Variants in IBTK observed in about 807,000 individuals in gnomAD.
IBTK encodes the protein inhibitor of Bruton tyrosine kinase.
A neutral mutation model predicts 154.9 loss-of-function variants in IBTK; 83 were observed. The ratio of observed to expected loss-of-function variants is 0.54; its 90% CI spans 0.45 to 0.64. IBTK has a LOEUF of 0.64. Ranked by LOEUF, IBTK falls within the 30% of genes least tolerant of loss-of-function variation. The pLI is 0.00. For missense variants in IBTK, 1,332 were observed against 1,584.6 expected (o/e 0.84, Z 2.71); for synonymous variants, 515 against 536.1 (o/e 0.96, Z 0.54).
intron 25 of IBTK, 130 bp from the exon 26 acceptor site, chr6:82,182,158 T>G: frequency 1.2e-6 from 1 of 804,034 alleles, no homozygotes; most frequent in South Asian, 1.8e-5. Context: ...CAATGTGATG[T>G]TGGATTCTTG....
rs780404182 is a variant in IBTK at position 82,171,412 on chromosome 6, A to G, written c.*13T>C. The G allele has an allele frequency of 6.2e-7, 1 of 1,605,670 alleles. No homozygotes were observed. The highest frequency in any genetic ancestry group is 2.2e-5 in the East Asian group (1 of 44,768). On this transcript the variant is annotated 3_prime_UTR_variant, in exon 29 of 29. Transcript: ENST00000306270. ...TCATAATTATGTAAAATGCATCTCA[A>G]CTCCACAGTGAACTAGCATCCATGC...
At chr6:82,206,001 A>G (rs984866344) in intron 16 of IBTK, 16 of 151,070 alleles carry the variant, frequency 1.1e-4, no homozygotes, top group African/African-American at 3.9e-4. Flanking sequence ...CCTCTCCTCT[A>G]AAAAAAAACA....
intron 21 of IBTK, among the ~76,000 whole-genome samples, chr6:82,197,373 A>ATTTTTTTTTTTT (rs11422131): frequency 1.0e-4 from 14 of 138,424 alleles, no homozygotes; most frequent in African/African-American, 1.9e-4. Flanking sequence ...ATCTTTTTGA[A>ATTTTTTTTTTTT]TTTTTTTTTT....
intron 9 of IBTK, among the ~76,000 whole-genome samples, chr6:82,219,903 CT>C (rs1770029291): frequency 6.6e-6 from 1 of 151,986 alleles, no homozygotes; most frequent in African/African-American, 2.4e-5. Flanking sequence ...ATTGCCTGAT[CT>C]TTACTTTTTT....
At chr6:82,215,274 T>C (rs1235259586) in intron 11 of IBTK, among the ~76,000 whole-genome samples, 4 of 152,060 alleles carry the variant, frequency 2.6e-5, no homozygotes, top group Admixed American at 2.0e-4. Flanking sequence ...TTGCAGAATT[T>C]CCTCCCTCTT....
chr6:82,181,768 G>T, intron 26 of IBTK, 111 bp downstream of exon 26: 1 of 685,972 alleles, frequency 1.5e-6, no homozygotes, highest in Non-Finnish European at 2.3e-6. Flanking sequence ...GAATGTAAAA[G>T]AGTGTACAAA....
intron 26 of IBTK, among the ~76,000 whole-genome samples, chr6:82,177,832 G>A (rs1165822801): frequency 6.6e-6 from 1 of 152,204 alleles, no homozygotes; most frequent in East Asian, 1.9e-4. Context: ...TTACAGGCAT[G>A]AGCCACAGCG....
At chr6:82,231,644 A>C (rs1159445846) in intron 4 of IBTK, 74 bp downstream of exon 4, 2 of 1,162,528 alleles carry the variant, frequency 1.7e-6, no homozygotes, top group Admixed American at 5.0e-5. Flanking sequence ...TGTAATCCAC[A>C]TGAAAAGCTG....
intron 16 of IBTK, 95 bp downstream of exon 16, chr6:82,210,719 A>G (rs1258094928): frequency 5.8e-6 from 3 of 517,394 alleles, no homozygotes; most frequent in Non-Finnish European, 1.0e-5. Flanking sequence ...GCCTTTATTG[A>G]TGGTTTTTTT....
At chr6:82,242,283 C>T (rs987558630) in intron 1 of IBTK, among the ~76,000 whole-genome samples, 10 of 151,860 alleles carry the variant, frequency 6.6e-5, no homozygotes, top group South Asian at 6.2e-4. Context: ...GCAGGAGAAT[C>T]GCTTGAACCC....
chr6:82,216,579 C>G (rs909086407), intron 10 of IBTK, among the ~76,000 whole-genome samples: 4 of 152,170 alleles, frequency 2.6e-5, no homozygotes, highest in African/African-American at 7.2e-5. Context: ...TCAACTTATA[C>G]TTCCTGTTGC....
At chr6:82,211,468 C>G in intron 14 of IBTK, 22 bp downstream of exon 14, 1 of 1,607,194 alleles carries the variant, frequency 6.2e-7, no homozygotes, top group Non-Finnish European at 8.5e-7. Context: ...AATAAATCAG[C>G]AGCTTTAAAA....
intron 20 of IBTK, 134 bp downstream of exon 20, chr6:82,200,453 T>C (rs769149871): frequency 1.1e-6 from 1 of 879,068 alleles, no homozygotes; most frequent in Non-Finnish European, 1.7e-6. Flanking sequence ...CTATTTCTTA[T>C]GTCAGAATTT....
At chr6:82,200,752 AGTTTT>A (rs1769174940) in intron 19 of IBTK, 44 bp from the exon 20 acceptor site, 13 of 501,220 alleles carry the variant, frequency 2.6e-5, no homozygotes, top group African/African-American at 9.4e-5. Context: ...AAATCTGTGA[AGTTTT>A]TTTTTTTTTT....
At chr6:82,240,957 A>G (rs1770923949) in intron 1 of IBTK, 114 bp from the exon 2 acceptor site, 3 of 396,330 alleles carry the variant, frequency 7.6e-6, no homozygotes, top group Non-Finnish European at 1.3e-5. Context: ...ATTTATGCTT[A>G]GTGTTCCATT....
At chr6:82,241,558 T>C (rs1231937813) in intron 1 of IBTK, among the ~76,000 whole-genome samples, 1 of 152,206 alleles carries the variant, frequency 6.6e-6, no homozygotes, top group African/African-American at 2.4e-5. Flanking sequence ...CCAATATAAA[T>C]TCTAGATGGT....
chr6:82,172,718 T>C lies in IBTK; in HGVS notation c.3798-206A>G. Reference sequence around the variant, plus strand: ...GCAAAATTTTCTCTGAAATACTCTTTAGCAATGCTACAATTTTTTCCAGTG... The same window carrying C: ...GCAAAATTTTCTCTGAAATACTCTTCAGCAATGCTACAATTTTTTCCAGTG... On this transcript the variant is annotated intron_variant, in intron 27 of 28. Coordinates refer to ENST00000306270, the MANE Select transcript of IBTK (RefSeq NM_015525.4). 8.0e-6 allele frequency: 4 copies of C among 499,616 alleles called. No individual in the cohort carries two copies. In the South Asian group the frequency reaches 9.9e-5, roughly 12 times the overall value. The allele number at this position is 499,616 out of a possible 1,614,324, so 30.9% of individuals were successfully genotyped here. A position where few individuals can be genotyped will look rare whatever the true frequency, so the allele number is the denominator to read the frequency against.
At chr6:82,175,122 C>A in intron 26 of IBTK, 1 of 316,338 alleles carries the variant, frequency 3.2e-6, no homozygotes, top group South Asian at 2.7e-5. Flanking sequence ...ATCTCAGTGT[C>A]CACCAGAATA....
intron 10 of IBTK, among the ~76,000 whole-genome samples, chr6:82,216,608 T>G (rs1769884928): frequency 6.6e-6 from 1 of 152,206 alleles, no homozygotes; most frequent in African/African-American, 2.4e-5. Flanking sequence ...AAAAAAATTC[T>G]TCAACTTGGA....
Sources: allele counts gnomAD v4.1 joint callset (sites outside exome capture counted in the v4.1 genomes callset), GRCh38; gene constraint gnomAD v4.1.1; transcripts MANE v1.5; gene names NCBI Gene and HGNC (gene_info 2026-07-23, HGNC 2026-07-21).